The following GLRA1 variants were observed in gnomAD, a reference collection of about 807,000 sequenced individuals.
GLRA1 encodes the protein glycine receptor subunit alpha-1.
In GLRA1, 37 loss-of-function variants were observed where a neutral mutation model predicts 48.3. That is an observed-to-expected ratio of 0.77 (90% confidence interval 0.59 to 1.01). GLRA1 has a LOEUF of 1.01. GLRA1 is among the 50% of genes least tolerant of loss of function. GLRA1 has a pLI of 0.00. For missense variants in GLRA1, 427 were observed against 571.0 expected, an observed-to-expected ratio of 0.75 and a Z score of 2.57; for synonymous variants, 196 against 210.7, an observed-to-expected ratio of 0.93 and a Z score of 0.60.
intron 7 of GLRA1, among the ~76,000 whole-genome samples, chr5:151,835,853 A>G (rs917537830): frequency 6.6e-6 from 1 of 152,216 alleles, no homozygotes; most frequent in African/African-American, 2.4e-5. Flanking sequence ...AGCCAGTATC[A>G]TATAGAATGA....
chr5:151,907,794 C>T (rs925354226), intron 1 of GLRA1, among the ~76,000 whole-genome samples: 1 of 152,182 alleles, frequency 6.6e-6, no homozygotes, highest in African/African-American at 2.4e-5. Flanking sequence ...GGAAGGGATG[C>T]TCAGAGGCAA....
chr5:151,912,749 A>G (rs1754647568), intron 1 of GLRA1, among the ~76,000 whole-genome samples: 1 of 152,102 alleles, frequency 6.6e-6, no homozygotes, highest in African/African-American at 2.4e-5. Flanking sequence ...ATATACATGA[A>G]CCCCTGGGAT....
At chr5:151,851,661 T>C (rs999360797) in intron 6 of GLRA1, 57 bp from the exon 7 acceptor site, 3 of 1,185,770 alleles carry the variant, frequency 2.5e-6, no homozygotes, top group African/African-American at 3.0e-5. Flanking sequence ...CAAAAGGCTT[T>C]AGGATTAGAA....
intron 7 of GLRA1, among the ~76,000 whole-genome samples, chr5:151,831,060 C>G (rs945399820): frequency 6.6e-6 from 1 of 152,204 alleles, no homozygotes; most frequent in Non-Finnish European, 1.5e-5. Context: ...GGATCTCCCT[C>G]CCCTGGCCAA....
intron 1 of GLRA1, among the ~76,000 whole-genome samples, chr5:151,916,019 G>A (rs951039562): frequency 1.4e-4 from 22 of 152,242 alleles, no homozygotes; most frequent in African/African-American, 4.8e-4. Flanking sequence ...AGGGTTATTA[G>A]ACTGAAAGCT....
intron 7 of GLRA1, chr5:151,850,157 T>A (rs1581615480): frequency 6.2e-7 from 1 of 1,603,708 alleles, no homozygotes; most frequent in Non-Finnish European, 8.5e-7. Flanking sequence ...AGGGTCCATA[T>A]TACTGCAGTG....
intron 8 of GLRA1, among the ~76,000 whole-genome samples, chr5:151,824,291 C>G (rs545653257): frequency 1.3e-5 from 2 of 151,984 alleles, no homozygotes; most frequent in African/African-American, 4.8e-5. Context: ...GCCACTGTGT[C>G]CAGCCCACCA....
chr5:151,882,049 C>CTG (rs142930226), intron 3 of GLRA1, among the ~76,000 whole-genome samples: 14 of 151,818 alleles, frequency 9.2e-5, no homozygotes, highest in East Asian at 3.9e-4. Flanking sequence ...CACTAATTAG[C>CTG]TGTGTGTGTG....
intron 3 of GLRA1, among the ~76,000 whole-genome samples, chr5:151,868,882 A>C (rs1753404913): frequency 6.6e-6 from 1 of 152,104 alleles, no homozygotes; most frequent in Non-Finnish European, 1.5e-5. Flanking sequence ...TGTGTCTTGA[A>C]TTTCTCCTAA....
At chr5:151,824,629 C>T (rs193040669) in intron 8 of GLRA1, among the ~76,000 whole-genome samples, 3 of 152,288 alleles carry the variant, frequency 2.0e-5, no homozygotes, top group African/African-American at 7.2e-5. Context: ...CATCTCTTGT[C>T]TCCAACTCCT....
chr5:151,851,962 T>C (rs902438726), intron 6 of GLRA1, among the ~76,000 whole-genome samples: 3 of 152,146 alleles, frequency 2.0e-5, no homozygotes, highest in African/African-American at 7.2e-5. Context: ...AGAATGGGCC[T>C]GACTAAGTAG....
chr5:151,903,987 A>T (rs1228414329), intron 1 of GLRA1, among the ~76,000 whole-genome samples: 3 of 152,218 alleles, frequency 2.0e-5, no homozygotes, highest in African/African-American at 7.2e-5. Context: ...AAAACAGCTC[A>T]CTCAATTCAA....
At chr5:151,841,628 A>G (rs1172723023) in intron 7 of GLRA1, among the ~76,000 whole-genome samples, 4 of 152,240 alleles carry the variant, frequency 2.6e-5, no homozygotes, top group Non-Finnish European at 4.4e-5. Context: ...GATTACTAAA[A>G]GAGTGAAAGA....
At chr5:151,900,424 T>C (rs1036790991) in intron 1 of GLRA1, among the ~76,000 whole-genome samples, 2 of 152,228 alleles carry the variant, frequency 1.3e-5, no homozygotes, top group Admixed American at 1.3e-4. Flanking sequence ...TAAAAAGCTT[T>C]TTTGTTTTTC....
At chr5:151,848,379 T>G (rs1022060401) in intron 7 of GLRA1, among the ~76,000 whole-genome samples, 11 of 152,308 alleles carry the variant, frequency 7.2e-5, no homozygotes, top group African/African-American at 2.6e-4. Context: ...TCTTTTTCTT[T>G]TTTTTTAGAT....
intron 1 of GLRA1, among the ~76,000 whole-genome samples, chr5:151,917,751 A>AGATTCCAT (rs1330001319): frequency 6.6e-6 from 1 of 152,214 alleles, no homozygotes; most frequent in Non-Finnish European, 1.5e-5. Context: ...TCCTACCGCA[A>AGATTCCAT]GATTCCATGA....
chr5:151,907,630 G>T (rs1170048299), intron 1 of GLRA1, among the ~76,000 whole-genome samples: 1 of 152,230 alleles, frequency 6.6e-6, no homozygotes. Context: ...TGTGCCATAT[G>T]CATTAGAGTT....
At chr5:151,886,614 A>C (rs1477878834) in intron 3 of GLRA1, 107 bp downstream of exon 3, 1 of 855,178 alleles carries the variant, frequency 1.2e-6, no homozygotes, top group Non-Finnish European at 2.0e-6. Context: ...CTTGAGAAAA[A>C]CCCAGCTGAT....
chr5:151,920,285 T>G (rs1754842362), intron 1 of GLRA1, among the ~76,000 whole-genome samples: 1 of 152,156 alleles, frequency 6.6e-6, no homozygotes, highest in Admixed American at 6.5e-5. Flanking sequence ...GTAAGAAAAT[T>G]GAGTCCCCAT....
Sources: allele counts gnomAD v4.1 joint callset (sites outside exome capture counted in the v4.1 genomes callset), GRCh38; gene constraint gnomAD v4.1.1; transcripts MANE v1.5; gene names NCBI Gene and HGNC (gene_info 2026-07-23, HGNC 2026-07-21).